The following RORB variants were observed in gnomAD, a reference collection of about 807,000 sequenced individuals.
RORB encodes the protein nuclear receptor ROR-beta.
A neutral mutation model predicts 59.1 loss-of-function variants in RORB; 6 were observed. The observed-to-expected ratio is 0.10, with a 90% CI of 0.06 to 0.20. The LOEUF (loss-of-function observed/expected upper bound fraction) is 0.20. Ranked by LOEUF, RORB falls within the 10% of genes least tolerant of loss-of-function variation. RORB has a pLI of 1.00. For missense variants in RORB, 320 were observed against 560.5 expected (o/e 0.57, Z 4.33); for synonymous variants, 215 against 204.5 (o/e 1.05, Z -0.44).
At chr9:74,510,896 G>C (rs939205402) in intron 1 of RORB, among the ~76,000 whole-genome samples, 5 of 152,184 alleles carry the variant, frequency 3.3e-5, no homozygotes, top group Admixed American at 3.3e-4. Context: ...TAGCAGTTGT[G>C]ATGACACCCT....
chr9:74,507,261 G>A (rs1263648175), intron 1 of RORB, among the ~76,000 whole-genome samples: 1 of 151,986 alleles, frequency 6.6e-6, no homozygotes, highest in Non-Finnish European at 1.5e-5. Flanking sequence ...TAGCTTTTAT[G>A]TAAATATGCA....
At position 74,668,958 on chromosome 9, in the gene RORB, G is replaced by A. The variant is rs546934577; in HGVS notation, c.1111+1057G>A. Among the ~76,000 whole-genome samples, 328 of 152,290 alleles carry A rather than the reference G, an allele frequency of 2.2e-3. 1 individual carries two copies. The highest frequency in any genetic ancestry group is 7.6e-3 in the African/African-American group (314 of 41,556). On this transcript the variant is annotated intron_variant, in intron 8 of 9. Transcript: ENST00000376896. The stretch of plus-strand genomic sequence containing the variant: ...GAAGAGGAAAAACTTCAGACATGGA[G>A]GTGGACATTCTGGTGCCAGCTCTGT...
intron 1 of RORB, among the ~76,000 whole-genome samples, chr9:74,548,538 A>T (rs1001376626): frequency 1.3e-5 from 2 of 152,126 alleles, no homozygotes; most frequent in African/African-American, 4.8e-5. Context: ...TTATTTTGCA[A>T]TTTACTTTTT....
At chr9:74,562,573 C>T (rs1822410752) in intron 1 of RORB, among the ~76,000 whole-genome samples, 1 of 152,172 alleles carries the variant, frequency 6.6e-6, no homozygotes, top group South Asian at 2.1e-4. Context: ...AGGAAGCTGA[C>T]ATTTTTTTCT....
intron 1 of RORB, among the ~76,000 whole-genome samples, chr9:74,543,113 G>T (rs1355371092): frequency 6.6e-6 from 1 of 152,162 alleles, no homozygotes; most frequent in African/African-American, 2.4e-5. Context: ...CCTTCAGACA[G>T]ACGGGCCCAT....
Position 74,661,689 on chromosome 9 carries a change from T to G in RORB, c.760-785T>G, listed in dbSNP as rs561912121. The stretch of plus-strand genomic sequence containing the variant: ...AGACGGAGTCTCACTCTGTCACCCA[T>G]GCTGGAGTGCAGTGGCGCGATCTCG... On this transcript the variant is annotated intron_variant, in intron 5 of 9. Transcript: ENST00000376896. Among the ~76,000 whole-genome samples the G allele has an allele frequency of 3.7e-3, 465 of 125,242 alleles. 2 individuals are homozygous for G. Among genetic ancestry groups the G allele is most frequent in the African/African-American group, 0.011 (397 of 34,522 alleles). The allele number at this position is 125,242 out of a possible 152,430, so 82.2% of individuals were successfully genotyped here.
At chr9:74,678,718 A>G (rs1242947113) in intron 9 of RORB, among the ~76,000 whole-genome samples, 1 of 152,168 alleles carries the variant, frequency 6.6e-6, no homozygotes, top group East Asian at 1.9e-4. Context: ...TCTTATTGAG[A>G]TCAAAATAGA....
At chr9:74,655,793 A>C (rs1355834211) in intron 4 of RORB, among the ~76,000 whole-genome samples, 2 of 152,174 alleles carry the variant, frequency 1.3e-5, no homozygotes, top group Non-Finnish European at 1.5e-5. Flanking sequence ...TGAGCCCTCC[A>C]GTCTTGCTCC....
In RORB at chr9:74,685,693, T is replaced by A; in HGVS notation, c.*75T>A. ...CAAAAGCAATGTGTTCATGAAGACT[T>A]AAGAAAAATGTCACTACTGCAACAT... On this transcript the variant is annotated 3_prime_UTR_variant, in exon 10 of 10. Transcript: ENST00000376896. 8.3e-7 allele frequency: 1 copy of A among 1,200,984 alleles called. No homozygotes were observed. Among genetic ancestry groups the A allele is most frequent in the Non-Finnish European group, 1.1e-6 (1 of 887,264 alleles). 74.4% of individuals were successfully genotyped at this position (1,200,984 alleles called of 1,614,324 possible).
rs996226810 is a variant in RORB, at chr9:74,584,840, T to G, written c.8-45442T>G. 2.6e-5 allele frequency among the ~76,000 whole-genome samples: 4 copies of G among 152,298 alleles called. No homozygotes were observed. In the South Asian group the frequency reaches 6.2e-4, roughly 24 times the overall value. ...CCACAGAATGAGTCTGGGAGCTGCC[T>G]TTAGAGTGGATAGCCAGTTATGCTA... On this transcript the variant is annotated intron_variant, in intron 1 of 9. Coordinates refer to ENST00000376896, the MANE Select transcript of RORB (RefSeq NM_006914.4).
chr9:74,504,242 A>G (rs1825839095), intron 1 of RORB, among the ~76,000 whole-genome samples: 1 of 152,070 alleles, frequency 6.6e-6, no homozygotes, highest in African/African-American at 2.4e-5. Flanking sequence ...AGCATTTAAA[A>G]CATTAAAAAA....
intron 1 of RORB, among the ~76,000 whole-genome samples, chr9:74,575,336 G>A (rs1822616778): frequency 6.6e-6 from 1 of 152,092 alleles, no homozygotes; most frequent in South Asian, 2.1e-4. Context: ...TGGAGGACCT[G>A]CAGGGCTTTG....
intron 3 of RORB, among the ~76,000 whole-genome samples, chr9:74,636,946 G>A (rs892371190): frequency 1.1e-4 from 17 of 152,120 alleles, no homozygotes; most frequent in Non-Finnish European, 1.3e-4. Flanking sequence ...AGCTGAATAG[G>A]TTTTACCTCC....
intron 1 of RORB, among the ~76,000 whole-genome samples, chr9:74,563,920 T>G (rs1822435690): frequency 6.6e-6 from 1 of 152,162 alleles, no homozygotes; most frequent in East Asian, 1.9e-4. Context: ...GAAAGACCAG[T>G]GATGTGCTTC....
intron 1 of RORB, among the ~76,000 whole-genome samples, chr9:74,507,325 T>G (rs1825883024): frequency 6.6e-6 from 1 of 152,126 alleles, no homozygotes; most frequent in African/African-American, 2.4e-5. Context: ...AAAAAGCAAT[T>G]TAAAGACAAT....
At position 74,685,507 on chromosome 9, in the gene RORB, C is replaced by T. The variant is rs1161697442; in HGVS notation, c.1269C>T (p.His423=). 10 of 1,613,118 alleles carry T rather than the reference C, an allele frequency of 6.2e-6. No individual in the cohort carries two copies. Among genetic ancestry groups the T allele is most frequent in the Admixed American group, 3.3e-5 (2 of 59,970 alleles). Reference sequence around the variant, plus strand: ...CCATCACGGCAGTTTGCAACTTGCACGGGGAGAAGCTGCAGGTATTTAAGC... The same window carrying T: ...CCATCACGGCAGTTTGCAACTTGCATGGGGAGAAGCTGCAGGTATTTAAGC... ...IPTITAVCNL[H]GEKLQVFKQS... The change falls in exon 10 of 10, where the codon CAC becomes CAT. Residue 423 remains histidine, a synonymous_variant. Coordinates refer to ENST00000376896, the MANE Select transcript of RORB (RefSeq NM_006914.4).
intron 1 of RORB, among the ~76,000 whole-genome samples, chr9:74,546,773 G>C (rs1826503311): frequency 6.6e-6 from 1 of 152,170 alleles, no homozygotes; most frequent in South Asian, 2.1e-4. Flanking sequence ...GTTTATGATA[G>C]AGCCTAATTA....
chr9:74,517,144 A>C (rs1256202107), intron 1 of RORB, among the ~76,000 whole-genome samples: 3 of 151,998 alleles, frequency 2.0e-5, no homozygotes, highest in African/African-American at 7.2e-5. Flanking sequence ...TCAAAATTTC[A>C]TCTGAGTCTA....
chr9:74,671,674 G>C, intron 8 of RORB, 115 bp from the exon 9 acceptor site: 1 of 555,158 alleles, frequency 1.8e-6, no homozygotes, highest in Admixed American at 3.5e-5. Context: ...CATGTCTTCA[G>C]AAGCAACTTA....
Sources: allele counts gnomAD v4.1 joint callset (sites outside exome capture counted in the v4.1 genomes callset), GRCh38; gene constraint gnomAD v4.1.1; transcripts MANE v1.5; gene names NCBI Gene and HGNC (gene_info 2026-07-23, HGNC 2026-07-21).